Variants in NOX4 observed in about 807,000 individuals in gnomAD.
NOX4 encodes NADPH oxidase 4, also known as kidney oxidase-1.
NOX4 carries 69 observed loss-of-function variants against 87.6 expected under a neutral mutation model. That is an observed-to-expected ratio of 0.79 (90% CI 0.65 to 0.96). The LOEUF is 0.96. Ranked by LOEUF, NOX4 falls within the 40% of genes least tolerant of loss-of-function variation. The probability of loss-of-function intolerance (pLI) is 0.00; values close to 1 mark genes in which losing one functional copy is unlikely to be tolerated. For synonymous variants in NOX4, 275 were observed against 238.2 expected, an observed-to-expected ratio of 1.15 and a Z score of -1.42; for missense variants, 680 against 681.5, an observed-to-expected ratio of 1.00 and a Z score of 0.02.
chr11:89,326,115 A>C lies in NOX4; in HGVS notation c.*641T>G, dbSNP rs1945212518. The C allele has an allele frequency of 6.6e-6, 1 of 151,774 alleles. No individual in the cohort carries two copies. Among genetic ancestry groups the C allele is most frequent in the Admixed American group, 6.6e-5 (1 of 15,228 alleles). 9.4% of individuals were successfully genotyped at this position (151,774 alleles called of 1,614,324 possible). On this transcript the variant is annotated 3_prime_UTR_variant, in exon 18 of 18. Coordinates refer to ENST00000263317, the MANE Select transcript of NOX4 (RefSeq NM_016931.5). ...CTAGAGAGAGGAATAAAAAGAAAAA[A>C]ATATATAAAAATAGATACTATAACA... is the stretch of plus-strand genomic sequence containing the variant.
At chr11:89,493,374 G>A (rs1946908605), upstream of NOX4, among the ~76,000 whole-genome samples, 1 of 148,532 alleles carries the variant, frequency 6.7e-6, no homozygotes, top group South Asian at 2.1e-4. Flanking sequence ...GTGCGACAGA[G>A]CAAGACTCTA....
intron 7 of NOX4, among the ~76,000 whole-genome samples, chr11:89,427,442 T>G (rs1310835756): frequency 6.6e-6 from 1 of 152,074 alleles, no homozygotes; most frequent in African/African-American, 2.4e-5. Context: ...AGGAGGAAGT[T>G]CGAACCCATT....
At chr11:89,432,687 A>T in intron 7 of NOX4, 97 bp downstream of exon 7, 1 of 831,100 alleles carries the variant, frequency 1.2e-6, no homozygotes, top group Non-Finnish European at 2.0e-6. Context: ...ATAGTCCATT[A>T]ACCAGGACAC....
intron 2 of NOX4, among the ~76,000 whole-genome samples, chr11:89,453,055 A>C (rs1945039130): frequency 6.6e-6 from 1 of 152,166 alleles, no homozygotes; most frequent in African/African-American, 2.4e-5. Context: ...AAAAATAAAA[A>C]ATTAAAATTA....
chr11:89,535,553 C>T, the NOX4 span, among the ~76,000 whole-genome samples: 2 of 152,230 alleles, frequency 1.3e-5, no homozygotes, highest in Admixed American at 6.5e-5. Flanking sequence ...TTTTGATCAG[C>T]CTCTCCTCCT....
chr11:89,567,701 T>G, the NOX4 span, among the ~76,000 whole-genome samples: 4 of 152,012 alleles, frequency 2.6e-5, no homozygotes, highest in African/African-American at 9.7e-5. Context: ...TCTAATCACC[T>G]CCCATGAGGT....
rs1192131276 is a variant in NOX4 at position 89,326,724 on chromosome 11, T to C, written c.*32A>G. The stretch of plus-strand genomic sequence containing the variant: ...AAGTCTTAGAAATTGCACTCATTCC[T>C]TCTTTAGAGTCCTGCTTCATGGCAA... On this transcript the variant is annotated 3_prime_UTR_variant, in exon 18 of 18. Coordinates refer to ENST00000263317, the MANE Select transcript of NOX4 (RefSeq NM_016931.5). 2 of 1,603,310 alleles carry C rather than the reference T, an allele frequency of 1.2e-6. No individual in the cohort carries two copies. Among genetic ancestry groups the C allele is most frequent in the Non-Finnish European group, 1.7e-6 (2 of 1,173,414 alleles).
At chr11:89,470,396 C>A (rs1457149018) in intron 2 of NOX4, among the ~76,000 whole-genome samples, 1 of 152,012 alleles carries the variant, frequency 6.6e-6, no homozygotes. Flanking sequence ...AAGTTCTAGG[C>A]AACTATGTGT....
chr11:89,573,373 A>T, the NOX4 span, among the ~76,000 whole-genome samples: 1 of 152,036 alleles, frequency 6.6e-6, no homozygotes, highest in Admixed American at 6.5e-5. Context: ...TGTCTCTACT[A>T]AAAAAAGTAC....
At chr11:89,474,366 T>C (rs1393428815) in intron 2 of NOX4, among the ~76,000 whole-genome samples, 2 of 151,614 alleles carry the variant, frequency 1.3e-5, no homozygotes, top group African/African-American at 4.8e-5. Context: ...TCTTGGAATT[T>C]CTTTAAAAAG....
intron 12 of NOX4, among the ~76,000 whole-genome samples, chr11:89,364,534 A>G (rs1362020022): frequency 2.0e-5 from 3 of 152,050 alleles, no homozygotes. Flanking sequence ...AGAACTTTAT[A>G]CTGTCTTACA....
intron 7 of NOX4, among the ~76,000 whole-genome samples, chr11:89,432,463 A>C (rs1317696458): frequency 6.6e-6 from 1 of 152,124 alleles, no homozygotes; most frequent in Non-Finnish European, 1.5e-5. Context: ...TAAGGTCCCC[A>C]TATGTACACA....
intron 12 of NOX4, among the ~76,000 whole-genome samples, chr11:89,368,553 T>C (rs545310573): frequency 9.9e-5 from 15 of 152,108 alleles, no homozygotes; most frequent in African/African-American, 3.6e-4. Flanking sequence ...ACACACATGG[T>C]AGAAGAGCAG....
chr11:89,364,408 A>G (rs967380841), intron 12 of NOX4, among the ~76,000 whole-genome samples: 1 of 152,122 alleles, frequency 6.6e-6, no homozygotes, highest in Non-Finnish European at 1.5e-5. Context: ...TAATTCTAGA[A>G]GAAAATAAAA....
chr11:89,399,618 C>A (rs1439594117), intron 11 of NOX4, among the ~76,000 whole-genome samples: 1 of 149,966 alleles, frequency 6.7e-6, no homozygotes, highest in African/African-American at 2.4e-5. Flanking sequence ...TGTGTACCAC[C>A]ACATCTGGCT....
At chr11:89,567,203 C>T in the NOX4 span, among the ~76,000 whole-genome samples, 1 of 152,180 alleles carries the variant, frequency 6.6e-6, no homozygotes, top group Non-Finnish European at 1.5e-5. Flanking sequence ...GCACTGCAGC[C>T]TGAGATCCCC....
the NOX4 span, among the ~76,000 whole-genome samples, chr11:89,588,938 T>A: frequency 1.3e-5 from 2 of 152,092 alleles, no homozygotes; most frequent in African/African-American, 4.8e-5. Context: ...GTATTAGCAA[T>A]ATCACCATCT....
intron 8 of NOX4, among the ~76,000 whole-genome samples, chr11:89,411,363 G>A (rs2175162): frequency 0.42 from 63,554 of 151,858 alleles, 13,705 homozygotes; most frequent in East Asian, 0.56. Context: ...AGAGTGAATG[G>A]GACTTTGTCT....
rs1021176472 is a variant in NOX4, at chr11:89,470,703, G to A, written c.154-18808C>T. 3.3e-5 allele frequency among the ~76,000 whole-genome samples: 5 copies of A among 152,124 alleles called. No individual in the cohort carries two copies. The South Asian group carries it at 6.2e-4, about 19-fold the overall frequency. ...CACTATAGCTTTTCTATGAGACTGCGTAGATGATCTAGTCCAACCTCCTTT... is the reference window on the plus strand; with the variant it reads ...CACTATAGCTTTTCTATGAGACTGCATAGATGATCTAGTCCAACCTCCTTT... On this transcript the variant is annotated intron_variant, in intron 2 of 17. Coordinates refer to ENST00000263317, the MANE Select transcript of NOX4 (RefSeq NM_016931.5).
Sources: allele counts gnomAD v4.1 joint callset (sites outside exome capture counted in the v4.1 genomes callset), GRCh38; gene constraint gnomAD v4.1.1; transcripts MANE v1.5; gene names NCBI Gene and HGNC (gene_info 2026-07-23, HGNC 2026-07-21).